Variants in ATP11A observed in about 807,000 individuals in gnomAD.
ATP11A encodes the protein phospholipid-transporting ATPase IH.
ATP11A carries 81 observed loss-of-function variants against 154.4 expected under a neutral mutation model. The observed-to-expected ratio is 0.52, with a 90% CI of 0.44 to 0.63. The LOEUF is 0.63. ATP11A is among the 30% of genes least tolerant of loss of function. The probability of loss-of-function intolerance (pLI) is 0.00; values close to 1 mark genes in which losing one functional copy is unlikely to be tolerated. For missense variants in ATP11A, 1,316 were observed against 1,474.3 expected, an observed-to-expected ratio of 0.89 and a Z score of 1.76; for synonymous variants, 623 against 585.9, an observed-to-expected ratio of 1.06 and a Z score of -0.91.
chr13:112,711,341 C>T (rs986356635), intron 1 of ATP11A, among the ~76,000 whole-genome samples: 2 of 152,168 alleles, frequency 1.3e-5, no homozygotes, highest in Non-Finnish European at 2.9e-5. Context: ...GTGATGCACA[C>T]CTGTGGTCCC....
chr13:112,856,948 G>A (rs1167564207), intron 20 of ATP11A: 3 of 152,222 alleles, frequency 2.0e-5, no homozygotes, highest in Admixed American at 2.0e-4. Context: ...CGAGCCTAGA[G>A]CATTCACAGA....
At chr13:112,874,371 G>C (rs1308008209) in intron 27 of ATP11A, among the ~76,000 whole-genome samples, 2 of 152,230 alleles carry the variant, frequency 1.3e-5, no homozygotes, top group South Asian at 2.1e-4. Flanking sequence ...AGTCGAGGCA[G>C]AGCACAGCAG....
At chr13:112,711,367 C>G (rs908796437) in intron 1 of ATP11A, among the ~76,000 whole-genome samples, 1 of 152,174 alleles carries the variant, frequency 6.6e-6, no homozygotes, top group East Asian at 1.9e-4. Flanking sequence ...CTTGAGAGGC[C>G]GAGGTGGGAG....
Position 112,718,756 on chromosome 13 carries a change from C to T in ATP11A, c.39+28301C>T, listed in dbSNP as rs9604409. 3.0e-3 allele frequency among the ~76,000 whole-genome samples: 449 copies of T among 151,972 alleles called. 2 individuals are homozygous for T. The highest frequency in any genetic ancestry group is 0.01 in the African/African-American group (417 of 41,464). On this transcript the variant is annotated intron_variant, in intron 1 of 29. Transcript: ENST00000375645. ...CACGATCTTGGCTCACTGCAACCTC[C>T]GCCTCCCAGGTTCAAGGGATTCTCT...
At chr13:112,698,991 G>C (rs1886203794) in intron 1 of ATP11A, among the ~76,000 whole-genome samples, 1 of 152,192 alleles carries the variant, frequency 6.6e-6, no homozygotes, top group African/African-American at 2.4e-5. Flanking sequence ...GCCTCCCAAA[G>C]TACTGGCATT....
intron 2 of ATP11A, among the ~76,000 whole-genome samples, chr13:112,794,715 AAAATT>A (rs1426934260): frequency 6.6e-6 from 1 of 152,054 alleles, no homozygotes; most frequent in Non-Finnish European, 1.5e-5. Context: ...CAAAAAATAA[AAAATT>A]AACTGCGTGT....
chr13:112,728,837 A>C (rs751619610), intron 1 of ATP11A, among the ~76,000 whole-genome samples: 14 of 152,128 alleles, frequency 9.2e-5, no homozygotes, highest in Admixed American at 6.5e-5. Flanking sequence ...TATGGAATGG[A>C]TATACAAACA....
chr13:112,832,775 T>G, intron 13 of ATP11A, 85 bp from the exon 14 acceptor site: 1,425 of 1,319,474 alleles, frequency 1.1e-3, no homozygotes, highest in East Asian at 1.4e-3. Flanking sequence ...CCCACCCCGC[T>G]TCTTGTTATC....
chr13:112,743,584 C>T (rs772461037), intron 1 of ATP11A, among the ~76,000 whole-genome samples: 2 of 150,326 alleles, frequency 1.3e-5, no homozygotes, highest in African/African-American at 2.5e-5. Flanking sequence ...CTAGCACTGA[C>T]GGCATAGGCA....
rs930350102 is a variant in ATP11A at position 112,805,985 on chromosome 13, G to A, written c.253-228G>A. On this transcript the variant is annotated intron_variant, in intron 3 of 29. Coordinates refer to ENST00000375645, the MANE Select transcript of ATP11A (RefSeq NM_015205.3). ...ACTTCAGACTGGGTCTGCCACTCTC[G>A]GTGGTTTCCTTGAGCATGTTCCTTA... Among the ~76,000 whole-genome samples, 5 of 152,110 alleles carry A rather than the reference G, an allele frequency of 3.3e-5. No individual in the cohort carries two copies. In the South Asian group the frequency reaches 8.3e-4, roughly 25 times the overall value.
At chr13:112,711,268 G>A (rs1002964791) in intron 1 of ATP11A, among the ~76,000 whole-genome samples, 1 of 152,192 alleles carries the variant, frequency 6.6e-6, no homozygotes, top group African/African-American at 2.4e-5. Flanking sequence ...AAAGTGGCTT[G>A]AAGTATTCAG....
At chr13:112,830,724 C>T (rs888854261) in intron 12 of ATP11A, among the ~76,000 whole-genome samples, 3 of 152,242 alleles carry the variant, frequency 2.0e-5, no homozygotes, top group African/African-American at 7.2e-5. Flanking sequence ...CGCGCCCAAG[C>T]TCAGTCTCAA....
intron 27 of ATP11A, among the ~76,000 whole-genome samples, chr13:112,874,940 C>T (rs2140429128): frequency 6.6e-6 from 1 of 152,304 alleles, no homozygotes. Context: ...TTGGTAGAAC[C>T]ACAGCCTCTC....
At chr13:112,805,676 A>AC (rs1352945107) in intron 3 of ATP11A, among the ~76,000 whole-genome samples, 1 of 151,240 alleles carries the variant, frequency 6.6e-6, no homozygotes, top group African/African-American at 2.4e-5. Context: ...CTGTCTCAAA[A>AC]AAAAAAAAAA....
chr13:112,690,472 CG>C lies in ATP11A; in HGVS notation c.39+20del. ...CACAGATACGTGAGTGCTCCCGGCG[CG>C]GGCTGGGGGACCCGGGGACCAGACA... On this transcript the variant is annotated intron_variant, in intron 1 of 29. Coordinates refer to ENST00000375645, the MANE Select transcript of ATP11A (RefSeq NM_015205.3). This position sits in a 1 kb window ranked among gnomAD's most constrained non-coding sequence, Gnocchi z 5.6. 1 of 1,341,068 alleles carries C rather than the reference CG, an allele frequency of 7.5e-7. No homozygotes were observed. 83.1% of individuals were successfully genotyped at this position (1,341,068 alleles called of 1,614,324 possible).
chr13:112,691,165 G>C (rs187230097), intron 1 of ATP11A, among the ~76,000 whole-genome samples: 344 of 152,182 alleles, frequency 2.3e-3, no homozygotes, highest in Non-Finnish European at 4.0e-3. Flanking sequence ...CTGGCGTTAG[G>C]TGTAAAAAGG....
rs541700132 is a variant in ATP11A at position 112,784,581 on chromosome 13, T to C, written c.40-554T>C. 2.0e-5 allele frequency among the ~76,000 whole-genome samples: 3 copies of C among 151,494 alleles called. No individual in the cohort carries two copies. The South Asian group carries it at 6.3e-4, about 32-fold the overall frequency. ...CTCTGTCCCCCAGGCTGGAGTGCAG[T>C]GGTGCTATCTCGGTCACTGCAAGCT... On this transcript the variant is annotated intron_variant, in intron 1 of 29. Coordinates refer to ENST00000375645, the MANE Select transcript of ATP11A (RefSeq NM_015205.3).
At chr13:112,729,575 A>G (rs934657533) in intron 1 of ATP11A, among the ~76,000 whole-genome samples, 2 of 151,296 alleles carry the variant, frequency 1.3e-5, no homozygotes, top group African/African-American at 4.9e-5. Context: ...CCGAGTGTGA[A>G]CAATGTTGGA....
At chr13:112,874,876 A>G (rs1474938647) in intron 27 of ATP11A, among the ~76,000 whole-genome samples, 1 of 151,776 alleles carries the variant, frequency 6.6e-6, no homozygotes, top group African/African-American at 2.4e-5. Flanking sequence ...TCCATCCCAA[A>G]CCTCTCTGAC....
Sources: allele counts gnomAD v4.1 joint callset (sites outside exome capture counted in the v4.1 genomes callset), GRCh38; gene constraint gnomAD v4.1.1; non-coding constraint Gnocchi (gnomAD v3.1); transcripts MANE v1.5; gene names NCBI Gene and HGNC (gene_info 2026-07-23, HGNC 2026-07-21).